Variants in SLCO1A2 observed in about 807,000 individuals in gnomAD.
SLCO1A2 encodes the protein OATP-1.
A neutral mutation model predicts 69.0 loss-of-function variants in SLCO1A2; 67 were observed. The observed-to-expected ratio is 0.97, with a 90% CI of 0.80 to 1.19. The LOEUF (loss-of-function observed/expected upper bound fraction) is 1.19, where lower values mean the gene tolerates loss of function less well. Ranked by LOEUF, SLCO1A2 falls within the 50% of genes most tolerant of loss-of-function variation. The pLI, the probability that SLCO1A2 is intolerant of heterozygous loss-of-function variation, is 0.00. For missense variants in SLCO1A2, 787 were observed against 793.7 expected (o/e 0.99, Z 0.10); for synonymous variants, 260 against 265.9 (o/e 0.98, Z 0.22).
chr12:21,331,187 CAGAG>C lies in SLCO1A2; in HGVS notation c.60+3397_60+3400del, dbSNP rs1333946895. Among the ~76,000 whole-genome samples the C allele has an allele frequency of 5.9e-5, 9 of 152,092 alleles. No homozygotes were observed. In the East Asian group the frequency reaches 1.7e-3, roughly 29 times the overall value. On this transcript the variant is annotated intron_variant, in intron 2 of 14. Transcript: ENST00000683939. Reference sequence around the variant, plus strand: ...TCTGCCCATGACTCTTGAAACTCCACAGAGAAAGAAAGGGTGAGTGATGCCTTTG... The same window carrying C: ...TCTGCCCATGACTCTTGAAACTCCACAAAGAAAGGGTGAGTGATGCCTTTG...
At chr12:21,299,387 T>G (rs1948221825) in intron 8 of SLCO1A2, among the ~76,000 whole-genome samples, 1 of 152,110 alleles carries the variant, frequency 6.6e-6, no homozygotes, top group African/African-American at 2.4e-5. Context: ...AAATGTTACA[T>G]GCAATTTACC....
At chr12:21,282,464 G>A (rs1230984177) in intron 12 of SLCO1A2, among the ~76,000 whole-genome samples, 1 of 151,818 alleles carries the variant, frequency 6.6e-6, no homozygotes, top group Admixed American at 6.6e-5. Context: ...CCATATATGA[G>A]AGACCTATAG....
chr12:21,380,516 A>T (rs1329856119), intron 1 of SLCO1A2, among the ~76,000 whole-genome samples: 1 of 152,210 alleles, frequency 6.6e-6, no homozygotes, highest in African/African-American at 2.4e-5. Flanking sequence ...AAAGTGAAAC[A>T]TTTAAACAAA....
At chr12:21,312,710 A>G (rs745905507) in intron 4 of SLCO1A2, among the ~76,000 whole-genome samples, 2 of 152,162 alleles carry the variant, frequency 1.3e-5, no homozygotes, top group Non-Finnish European at 2.9e-5. Flanking sequence ...GGGCCCAAGG[A>G]AAGGGCAAAA....
chr12:21,289,508 G>T (rs1459464814), intron 12 of SLCO1A2, among the ~76,000 whole-genome samples: 1 of 152,066 alleles, frequency 6.6e-6, no homozygotes, highest in Admixed American at 6.6e-5. Flanking sequence ...GTGTGCTGAA[G>T]ATCAAGCTCC....
intron 4 of SLCO1A2, among the ~76,000 whole-genome samples, chr12:21,308,172 G>A (rs4148993): frequency 0.37 from 55,480 of 151,986 alleles, 11,163 homozygotes; most frequent in African/African-American, 0.55. Flanking sequence ...TAAAAATCCA[G>A]TAACTCAAAG....
intron 2 of SLCO1A2, among the ~76,000 whole-genome samples, chr12:21,351,100 G>A (rs9919685): frequency 0.039 from 5,906 of 152,204 alleles, 389 homozygotes; most frequent in African/African-American, 0.13. Flanking sequence ...CCATCACACT[G>A]TAATAACATG....
intron 4 of SLCO1A2, among the ~76,000 whole-genome samples, chr12:21,310,641 G>A (rs752467904): frequency 2.1e-4 from 32 of 152,170 alleles, no homozygotes; most frequent in South Asian, 1.9e-3. Context: ...TCGCTATGTC[G>A]CCCAGGCTGG....
intron 12 of SLCO1A2, among the ~76,000 whole-genome samples, chr12:21,288,959 A>G (rs1370011406): frequency 6.6e-6 from 1 of 151,932 alleles, no homozygotes; most frequent in African/African-American, 2.4e-5. Context: ...GAAATGATAC[A>G]CATATATACA....
intron 2 of SLCO1A2, among the ~76,000 whole-genome samples, chr12:21,358,325 A>C (rs1238281904): frequency 6.6e-6 from 1 of 152,196 alleles, no homozygotes; most frequent in Non-Finnish European, 1.5e-5. Context: ...AGTGGAATGA[A>C]ATAGAAAAAG....
At chr12:21,368,929 A>G (rs906926005) in intron 2 of SLCO1A2, among the ~76,000 whole-genome samples, 3 of 152,270 alleles carry the variant, frequency 2.0e-5, no homozygotes, top group African/African-American at 7.2e-5. Flanking sequence ...AATTTAATAA[A>G]TCAAGAGTGT....
intron 13 of SLCO1A2, chr12:21,274,820 G>T: frequency 1.4e-6 from 1 of 729,008 alleles, no homozygotes; most frequent in Non-Finnish European, 1.9e-6. Flanking sequence ...GTAAAACATT[G>T]AATTAAAGAT....
At chr12:21,363,138 G>C (rs1591883048) in intron 2 of SLCO1A2, among the ~76,000 whole-genome samples, 1 of 152,254 alleles carries the variant, frequency 6.6e-6, no homozygotes, top group Non-Finnish European at 1.5e-5. Context: ...GGACCACATA[G>C]TTGGAAGTAA....
chr12:21,415,987 C>T (rs980518401), intron 1 of SLCO1A2, among the ~76,000 whole-genome samples: 1 of 152,072 alleles, frequency 6.6e-6, no homozygotes, highest in Non-Finnish European at 1.5e-5. Flanking sequence ...CTACTGATCC[C>T]ATCTGCTGTG....
At chr12:21,314,704 C>A in intron 3 of SLCO1A2, 23 bp from the exon 4 acceptor site, 1 of 1,548,516 alleles carries the variant, frequency 6.5e-7, no homozygotes, top group Non-Finnish European at 8.9e-7. Flanking sequence ...TGAGAATAAT[C>A]ATTTTAAAAA....
chr12:21,282,070 C>G lies in SLCO1A2; in HGVS notation c.1611-6646G>C, dbSNP rs575515074. On this transcript the variant is annotated intron_variant, in intron 12 of 14. Coordinates refer to ENST00000683939, the MANE Select transcript of SLCO1A2 (RefSeq NM_001386879.1). Reference sequence around the variant, plus strand: ...AGGAGAGAAGCCTTCCAAACTCATTCTATGAGGCCAGTATTATCCTGATAC... The same window carrying G: ...AGGAGAGAAGCCTTCCAAACTCATTGTATGAGGCCAGTATTATCCTGATAC... 1.3e-5 allele frequency among the ~76,000 whole-genome samples: 2 copies of G among 149,860 alleles called. 1 individual carries two copies. The highest frequency in any genetic ancestry group is 4.2e-4 in the South Asian group (2 of 4,732).
At chr12:21,361,307 A>T (rs965612618) in intron 2 of SLCO1A2, among the ~76,000 whole-genome samples, 1 of 152,204 alleles carries the variant, frequency 6.6e-6, no homozygotes, top group South Asian at 2.1e-4. Context: ...ACTCCAACAG[A>T]CCTGCAGTTG....
At chr12:21,321,069 C>T (rs1009003015) in intron 2 of SLCO1A2, among the ~76,000 whole-genome samples, 1 of 152,170 alleles carries the variant, frequency 6.6e-6, no homozygotes, top group Non-Finnish European at 1.5e-5. Context: ...TCATAAACAA[C>T]TTCCTGATTC....
intron 1 of SLCO1A2, chr12:21,378,643 G>A: frequency 2.0e-6 from 1 of 490,212 alleles, no homozygotes. Context: ...TTTTGCTATA[G>A]ATTTGTATTT....
Sources: gnomAD v4.1 joint callset for allele counts (sites outside exome capture counted in the v4.1 genomes callset) on GRCh38, gnomAD v4.1.1 for gene constraint, MANE v1.5 for transcripts, NCBI Gene and HGNC (gene_info 2026-07-23, HGNC 2026-07-21) for gene names.